EML5: variants seen among roughly 807,000 people sequenced by gnomAD.
EML5 encodes echinoderm microtubule-associated protein-like 5.
EML5 carries 120 observed loss-of-function variants against 250.0 expected under a neutral mutation model. The observed-to-expected ratio is 0.48, with a 90% confidence interval of 0.41 to 0.56. EML5 has a LOEUF of 0.56. Among genes scored for constraint, EML5 ranks in the 20% least tolerant of loss-of-function variants. The probability of loss-of-function intolerance (pLI) is 0.00; values close to 1 mark genes in which losing one functional copy is unlikely to be tolerated. For missense variants in EML5, 2,006 were observed against 2,437.6 expected (o/e 0.82, Z 3.73); for synonymous variants, 771 against 806.5 (o/e 0.96, Z 0.75).
chr14:88,719,669 T>C (rs1405619240), intron 8 of EML5, among the ~76,000 whole-genome samples: 2 of 151,418 alleles, frequency 1.3e-5, no homozygotes, highest in African/African-American at 4.9e-5. Flanking sequence ...CTCTATGATA[T>C]GAGCTTTTTT....
At chr14:88,617,854 T>A (rs1426132971) in intron 41 of EML5, 1 of 156,430 alleles carries the variant, frequency 6.4e-6, no homozygotes, top group East Asian at 1.9e-4. Context: ...TTGAACAAAT[T>A]TGGAAGCTTT....
At position 88,731,847 on chromosome 14, in the gene EML5, G is replaced by T. The variant is rs1238311574; in HGVS notation, c.1049+4517C>A. 2.6e-5 allele frequency among the ~76,000 whole-genome samples: 4 copies of T among 152,258 alleles called. No homozygotes were observed. The South Asian group carries it at 8.3e-4, about 32-fold the overall frequency. ...ATGATGAGCATTTTTTCATGTGTCTGTTGGCTGCATAAATGTCTTCTTTTG... is the reference window on the plus strand; with the variant it reads ...ATGATGAGCATTTTTTCATGTGTCTTTTGGCTGCATAAATGTCTTCTTTTG... On this transcript the variant is annotated intron_variant, in intron 7 of 43. Transcript: ENST00000554922.
chr14:88,744,504 C>T (rs1210645694), intron 3 of EML5, among the ~76,000 whole-genome samples: 2 of 152,008 alleles, frequency 1.3e-5, no homozygotes, highest in East Asian at 1.9e-4. Flanking sequence ...CTTTCTATCA[C>T]TCAGAACTGT....
chr14:88,709,779 G>A (rs1002243396), intron 10 of EML5, among the ~76,000 whole-genome samples: 1 of 152,122 alleles, frequency 6.6e-6, no homozygotes, highest in Admixed American at 6.5e-5. Flanking sequence ...CCAATGACAG[G>A]AGAATAAATG....
At chr14:88,727,401 ATTT>A (rs3055841) in intron 7 of EML5, among the ~76,000 whole-genome samples, 2 of 131,706 alleles carry the variant, frequency 1.5e-5, no homozygotes, top group Non-Finnish European at 1.6e-5. Context: ...GATACACTGC[ATTT>A]TTTTTTTTTT....
chr14:88,637,929 C>T (rs1204871626), intron 32 of EML5, among the ~76,000 whole-genome samples: 2 of 152,096 alleles, frequency 1.3e-5, no homozygotes, highest in Admixed American at 6.6e-5. Flanking sequence ...AAAGGAAAAA[C>T]ACAAGGGTCT....
intron 21 of EML5, among the ~76,000 whole-genome samples, chr14:88,675,617 C>T (rs945193816): frequency 1.3e-5 from 2 of 152,274 alleles, no homozygotes; most frequent in African/African-American, 2.4e-5. Context: ...AGACACTTTC[C>T]CCATTGTTTT....
intron 1 of EML5, among the ~76,000 whole-genome samples, chr14:88,768,963 T>C (rs1219049373): frequency 2.0e-5 from 3 of 152,202 alleles, no homozygotes; most frequent in Non-Finnish European, 2.9e-5. Context: ...AAATCAGCCA[T>C]AGATAATATG....
chr14:88,659,552 T>G (rs2056922101), intron 25 of EML5, among the ~76,000 whole-genome samples: 1 of 152,190 alleles, frequency 6.6e-6, no homozygotes. Flanking sequence ...GTGAGGGATC[T>G]GTCATCAAAG....
At chr14:88,753,239 AC>A (rs1387924781) in intron 2 of EML5, among the ~76,000 whole-genome samples, 1 of 152,108 alleles carries the variant, frequency 6.6e-6, no homozygotes, top group East Asian at 1.9e-4. Flanking sequence ...CCCCACTCCC[AC>A]AAGGGGTTTG....
At chr14:88,729,682 C>G (rs2093723247) in intron 7 of EML5, among the ~76,000 whole-genome samples, 1 of 151,888 alleles carries the variant, frequency 6.6e-6, no homozygotes, top group South Asian at 2.1e-4. Flanking sequence ...GCCTCACCCT[C>G]CTGAGTAGCT....
intron 8 of EML5, 43 bp from the exon 9 acceptor site, chr14:88,715,238 A>C: frequency 6.6e-7 from 1 of 1,521,214 alleles, no homozygotes; most frequent in Non-Finnish European, 8.8e-7. Context: ...CAGAAGTCAC[A>C]ACAGAATTAA....
chr14:88,770,048 G>C (rs894633207), intron 1 of EML5, among the ~76,000 whole-genome samples: 5 of 150,710 alleles, frequency 3.3e-5, no homozygotes, highest in African/African-American at 9.8e-5. Flanking sequence ...TTCATTGTTC[G>C]CAACAAAGCT....
intron 1 of EML5, among the ~76,000 whole-genome samples, chr14:88,775,128 A>C (rs2094434531): frequency 2.0e-5 from 3 of 151,294 alleles, no homozygotes; most frequent in African/African-American, 7.3e-5. Context: ...GTACTATGTC[A>C]AGGGCCTTAA....
chr14:88,702,982 G>A (rs920458547), intron 13 of EML5, among the ~76,000 whole-genome samples: 14 of 151,700 alleles, frequency 9.2e-5, no homozygotes, highest in Non-Finnish European at 2.1e-4. Flanking sequence ...CTCAAACTCC[G>A]GAGCTCTACC....
At chr14:88,757,807 C>T (rs746624595) in intron 1 of EML5, among the ~76,000 whole-genome samples, 17 of 151,320 alleles carry the variant, frequency 1.1e-4, no homozygotes, top group Non-Finnish European at 2.5e-4. Flanking sequence ...TCTTTCCTTC[C>T]TTCCTTTTCT....
intron 31 of EML5, among the ~76,000 whole-genome samples, chr14:88,639,696 C>A (rs977073189): frequency 1.3e-5 from 2 of 152,080 alleles, no homozygotes; most frequent in African/African-American, 4.8e-5. Flanking sequence ...CATGCCTCAG[C>A]CTCCCAAGTA....
intron 30 of EML5, 109 bp from the exon 31 acceptor site, chr14:88,643,131 C>CAT (rs1355870238): frequency 1.9e-6 from 2 of 1,073,160 alleles, no homozygotes; most frequent in Non-Finnish European, 1.3e-6. Flanking sequence ...ATGGAGTATG[C>CAT]ATTTTTGATG....
chr14:88,766,967 A>C (rs548818339), intron 1 of EML5, among the ~76,000 whole-genome samples: 1 of 152,278 alleles, frequency 6.6e-6, no homozygotes, highest in East Asian at 1.9e-4. Context: ...TCATAAATTC[A>C]ACATGTAGGT....
Sources: gnomAD v4.1 joint callset for allele counts (sites outside exome capture counted in the v4.1 genomes callset) on GRCh38, gnomAD v4.1.1 for gene constraint, MANE v1.5 for transcripts, NCBI Gene and HGNC (gene_info 2026-07-23, HGNC 2026-07-21) for gene names.